LGI2: variants seen among roughly 807,000 people sequenced by gnomAD.
LGI2 encodes the protein leucine-rich repeat LGI family member 2.
Under a neutral mutation model 52.0 loss-of-function variants are expected in LGI2, and 30 were observed. That is an observed-to-expected ratio of 0.58 (90% CI 0.43 to 0.78). The LOEUF (loss-of-function observed/expected upper bound fraction) is 0.78, where lower values mean the gene tolerates loss of function less well. LGI2 is among the 30% of genes least tolerant of loss of function. The probability of loss-of-function intolerance (pLI) is 0.00; values close to 1 mark genes in which losing one functional copy is unlikely to be tolerated. For missense variants in LGI2, 573 were observed against 692.5 expected (o/e 0.83, Z 1.94); for synonymous variants, 270 against 271.8 (o/e 0.99, Z 0.06).
chr4:25,023,383 G>T (rs1045108975), intron 4 of LGI2, among the ~76,000 whole-genome samples: 1 of 152,168 alleles, frequency 6.6e-6, no homozygotes, highest in African/African-American at 2.4e-5. Flanking sequence ...GGCTTTTATA[G>T]GAAGAAATGA....
intron 6 of LGI2, among the ~76,000 whole-genome samples, chr4:25,012,855 G>A (rs909351402): frequency 6.6e-5 from 10 of 152,300 alleles, no homozygotes; most frequent in East Asian, 1.9e-4. Context: ...CAAAACTGCC[G>A]TGCAAATCAC....
Position 25,030,639 on chromosome 4 carries a change from C to CCAGCAGCAG in LGI2, c.46_54dup (p.Leu16_Leu18dup). The CCAGCAGCAG allele has an allele frequency of 6.5e-7, 1 of 1,542,732 alleles. No homozygotes were observed. Among genetic ancestry groups the CCAGCAGCAG allele is most frequent in the Non-Finnish European group, 8.7e-7 (1 of 1,144,886 alleles). On this transcript the variant is annotated inframe_insertion, in exon 1 of 8. Coordinates refer to ENST00000382114, the MANE Select transcript of LGI2 (RefSeq NM_018176.4). The stretch of plus-strand genomic sequence containing the variant: ...CTCCGCGGTATCAGGCACGCGGCGC[C>CCAGCAGCAG]CAGCAGCAGCAGCAGCAGCCCGAGC...
intron 6 of LGI2, among the ~76,000 whole-genome samples, chr4:25,015,470 T>C (rs975794925): frequency 2.0e-5 from 3 of 152,188 alleles, no homozygotes; most frequent in African/African-American, 7.2e-5. Flanking sequence ...GGCTTTGTGA[T>C]ATGAATTACA....
At position 25,001,363 on chromosome 4, in the gene LGI2, T is replaced by C. The variant is rs555589856; in HGVS notation, c.*2088A>G. 4.6e-5 allele frequency: 7 copies of C among 152,208 alleles called. No homozygotes were observed. The highest frequency in any genetic ancestry group is 2.1e-4 in the South Asian group (1 of 4,830). 9.4% of individuals were successfully genotyped at this position (152,208 alleles called of 1,614,324 possible). On this transcript the variant is annotated 3_prime_UTR_variant, in exon 8 of 8. Transcript: ENST00000382114. The stretch of plus-strand genomic sequence containing the variant: ...TTGGGAACATCACTTTGATCTGGCA[T>C]AGTTGCTGGGACTGTCTAAATATCT...
At chr4:25,015,274 T>C (rs1273731466) in intron 6 of LGI2, among the ~76,000 whole-genome samples, 1 of 152,216 alleles carries the variant, frequency 6.6e-6, no homozygotes, top group Non-Finnish European at 1.5e-5. Flanking sequence ...TCATCAGCCC[T>C]GAAAAGGGGA....
intron 3 of LGI2, 72 bp downstream of exon 3, chr4:25,026,796 A>G: frequency 8.2e-7 from 1 of 1,216,332 alleles, no homozygotes. Context: ...ATGCTGTTCC[A>G]GCACAGAAAC....
At chr4:24,994,457 G>A (rs1484006211), downstream of LGI2, among the ~76,000 whole-genome samples, 1 of 152,108 alleles carries the variant, frequency 6.6e-6, no homozygotes, top group African/African-American at 2.4e-5. Flanking sequence ...AGTACTCCTG[G>A]CACAAGTCTG....
intron 2 of LGI2, among the ~76,000 whole-genome samples, chr4:25,027,847 G>A (rs1276412946): frequency 6.6e-6 from 1 of 152,200 alleles, no homozygotes; most frequent in Non-Finnish European, 1.5e-5. Flanking sequence ...CCCAGCCTGG[G>A]TTACAGGGCA....
At chr4:24,992,402 T>C in the LGI2 span, among the ~76,000 whole-genome samples, 2 of 151,644 alleles carry the variant, frequency 1.3e-5, no homozygotes, top group African/African-American at 4.8e-5. Context: ...CACGGGTAAG[T>C]GGGTGGTCAG....
At position 25,022,685 on chromosome 4, in the gene LGI2, A is replaced by G. The variant is rs550231970; in HGVS notation, c.413+2135T>C. 2.0e-5 allele frequency among the ~76,000 whole-genome samples: 3 copies of G among 152,358 alleles called. 1 individual carries two copies. Among genetic ancestry groups the G allele is most frequent in the African/African-American group, 7.2e-5 (3 of 41,580 alleles). On this transcript the variant is annotated intron_variant, in intron 4 of 7. Coordinates refer to ENST00000382114, the MANE Select transcript of LGI2 (RefSeq NM_018176.4). ...AACACAGTTATGTACACTCATGTAT[A>G]TAAGTCCATGCACCCGAGGACACTT...
chr4:25,012,109 T>C (rs552980358), intron 7 of LGI2, among the ~76,000 whole-genome samples: 38 of 152,134 alleles, frequency 2.5e-4, no homozygotes, highest in South Asian at 8.3e-4. Context: ...CCGTAAATGA[T>C]CATCAATAAT....
At chr4:25,014,000 T>G (rs1725670282) in intron 6 of LGI2, among the ~76,000 whole-genome samples, 1 of 152,230 alleles carries the variant, frequency 6.6e-6, no homozygotes, top group Non-Finnish European at 1.5e-5. Context: ...GCAGCAGTCA[T>G]CATGTGCTCC....
chr4:25,018,514 T>C (rs1725845540), intron 5 of LGI2, among the ~76,000 whole-genome samples: 1 of 152,132 alleles, frequency 6.6e-6, no homozygotes, highest in Admixed American at 6.6e-5. Context: ...AAAGAGGATA[T>C]TGTAGGAAGA....
chr4:24,993,280 G>C, the LGI2 span, among the ~76,000 whole-genome samples: 1 of 152,234 alleles, frequency 6.6e-6, no homozygotes, highest in East Asian at 1.9e-4. Context: ...TGTTTTCCTG[G>C]CTTTGCCACT....
rs1225593885 is a variant in LGI2, at chr4:25,000,105, G to A, written c.*3346C>T. The A allele has an allele frequency of 7.6e-6, 2 of 262,192 alleles. No individual in the cohort carries two copies. The highest frequency in any genetic ancestry group is 1.0e-4 in the Admixed American group (2 of 19,062). The allele number at this position is 262,192 out of a possible 1,614,324, so 16.2% of individuals were successfully genotyped here. ...GCATGCAATTGCATGTTTGTTAATT[G>A]TTAAATGGACCAGTTGATTGAATGG... is the stretch of plus-strand genomic sequence containing the variant. On this transcript the variant is annotated 3_prime_UTR_variant, in exon 8 of 8. Coordinates refer to ENST00000382114, the MANE Select transcript of LGI2 (RefSeq NM_018176.4).
intron 7 of LGI2, among the ~76,000 whole-genome samples, chr4:25,006,288 G>A (rs1333924909): frequency 6.6e-6 from 1 of 151,942 alleles, no homozygotes; most frequent in Non-Finnish European, 1.5e-5. Flanking sequence ...CCCCATTCCA[G>A]AAGACCAACC....
At chr4:25,014,726 G>A (rs1226359853) in intron 6 of LGI2, among the ~76,000 whole-genome samples, 4 of 151,630 alleles carry the variant, frequency 2.6e-5, no homozygotes, top group Non-Finnish European at 4.4e-5. Context: ...AGCTGCTCTG[G>A]AGGCTGAGGT....
intron 6 of LGI2, among the ~76,000 whole-genome samples, chr4:25,012,962 G>A (rs998750508): frequency 6.6e-6 from 1 of 152,142 alleles, no homozygotes; most frequent in Admixed American, 6.5e-5. Context: ...TCTGTTTTTT[G>A]TTTGATATGG....
At chr4:24,995,852 A>G (rs1429960309), downstream of LGI2, among the ~76,000 whole-genome samples, 1 of 152,256 alleles carries the variant, frequency 6.6e-6, no homozygotes, top group Non-Finnish European at 1.5e-5. Context: ...CAACAGCAAG[A>G]ATAAAATACA....
Sources: gnomAD v4.1 joint callset for allele counts (sites outside exome capture counted in the v4.1 genomes callset) on GRCh38, gnomAD v4.1.1 for gene constraint, MANE v1.5 for transcripts, NCBI Gene and HGNC (gene_info 2026-07-23, HGNC 2026-07-21) for gene names.